LINGO2: variants seen among roughly 807,000 people sequenced by gnomAD.
The protein encoded by LINGO2 is leucine rich repeat and Ig domain containing 2, also known as leucine-rich repeat and immunoglobulin-like domain-containing nogo receptor-interacting protein 2.
In LINGO2, 14 loss-of-function variants were observed where a neutral mutation model predicts 30.6. The observed-to-expected ratio is 0.46, with a 90% CI of 0.30 to 0.72. The LOEUF is 0.72. Ranked by LOEUF, LINGO2 falls within the 30% of genes least tolerant of loss-of-function variation. The probability of loss-of-function intolerance (pLI) is 0.07; values close to 1 mark genes in which losing one functional copy is unlikely to be tolerated. For missense variants in LINGO2, 729 were observed against 751.7 expected (o/e 0.97, Z 0.35); for synonymous variants, 317 against 288.5 (o/e 1.10, Z -1.00).
At chr9:28,780,628 G>C in the LINGO2 span, among the ~76,000 whole-genome samples, 1 of 152,060 alleles carries the variant, frequency 6.6e-6, no homozygotes, top group Non-Finnish European at 1.5e-5. Flanking sequence ...TTTATTACAA[G>C]TTACAGGTGA....
At chr9:28,711,998 C>T in the LINGO2 span, among the ~76,000 whole-genome samples, 1 of 152,034 alleles carries the variant, frequency 6.6e-6, no homozygotes, top group Non-Finnish European at 1.5e-5. Flanking sequence ...TGAAGACAGC[C>T]TTTTCATTGG....
intron 1 of LINGO2, among the ~76,000 whole-genome samples, chr9:28,652,681 A>G (rs1828156868): frequency 6.6e-6 from 1 of 151,666 alleles, no homozygotes; most frequent in African/African-American, 2.4e-5. Context: ...TTTCCTTCTT[A>G]TCTAGTAAGA....
At chr9:28,533,355 TG>T (rs1821308651) in intron 1 of LINGO2, among the ~76,000 whole-genome samples, 1 of 152,130 alleles carries the variant, frequency 6.6e-6, no homozygotes, top group Admixed American at 6.6e-5. Context: ...ACGGGCTTCC[TG>T]ATTCTTCAGC....
At chr9:29,082,355 G>T in the LINGO2 span, among the ~76,000 whole-genome samples, 1 of 152,140 alleles carries the variant, frequency 6.6e-6, no homozygotes, top group South Asian at 2.1e-4. Context: ...AATAAATGGT[G>T]CTGGGAAAAC....
chr9:29,145,018 T>A, the LINGO2 span, among the ~76,000 whole-genome samples: 2 of 152,222 alleles, frequency 1.3e-5, no homozygotes, highest in Non-Finnish European at 2.9e-5. Flanking sequence ...ACAAAAAGTA[T>A]AATATTGGAT....
intron 4 of LINGO2, among the ~76,000 whole-genome samples, chr9:28,023,783 G>C (rs1354082071): frequency 6.6e-6 from 1 of 152,126 alleles, no homozygotes; most frequent in East Asian, 1.9e-4. Flanking sequence ...TTTCTAACAT[G>C]AGAACCTGGT....
At chr9:28,655,831 C>T (rs1051623110) in intron 1 of LINGO2, among the ~76,000 whole-genome samples, 1 of 152,116 alleles carries the variant, frequency 6.6e-6, no homozygotes, top group African/African-American at 2.4e-5. Context: ...CCTCCCCAGA[C>T]ATGCTGAACT....
At chr9:28,675,936 C>T in the LINGO2 span, among the ~76,000 whole-genome samples, 17 of 138,822 alleles carry the variant, frequency 1.2e-4, no homozygotes, top group East Asian at 4.7e-4. Flanking sequence ...CATACACACA[C>T]ACACACACAC....
the LINGO2 span, among the ~76,000 whole-genome samples, chr9:28,940,884 G>C: frequency 6.6e-6 from 1 of 152,058 alleles, no homozygotes; most frequent in African/African-American, 2.4e-5. Context: ...GAGGAGTCTA[G>C]AGAGTTATGC....
At chr9:28,298,459 C>T (rs1337579210) in intron 3 of LINGO2, among the ~76,000 whole-genome samples, 5 of 146,092 alleles carry the variant, frequency 3.4e-5, no homozygotes, top group Non-Finnish European at 7.5e-5. Flanking sequence ...GTCAAGAGAT[C>T]GAAACCATCC....
At chr9:28,641,157 C>T (rs1308362939) in intron 1 of LINGO2, among the ~76,000 whole-genome samples, 4 of 152,038 alleles carry the variant, frequency 2.6e-5, no homozygotes, top group African/African-American at 9.7e-5. Context: ...CCTCAGTCTC[C>T]CGAGTAGCTG....
chr9:28,489,269 A>G (rs914338265), intron 1 of LINGO2, among the ~76,000 whole-genome samples: 1 of 152,118 alleles, frequency 6.6e-6, no homozygotes, highest in Non-Finnish European at 1.5e-5. Flanking sequence ...TCCGGGTTTC[A>G]AGAGATTCTC....
intron 1 of LINGO2, among the ~76,000 whole-genome samples, chr9:28,655,932 A>T (rs994321562): frequency 1.3e-5 from 2 of 152,132 alleles, no homozygotes; most frequent in Admixed American, 1.3e-4. Context: ...ACAGTGAGCC[A>T]AAATGTATCA....
the LINGO2 span, among the ~76,000 whole-genome samples, chr9:28,841,351 C>G: frequency 1.3e-5 from 2 of 151,708 alleles, no homozygotes; most frequent in African/African-American, 4.9e-5. Flanking sequence ...AGTGTGTCAC[C>G]TTAATAGGCC....
chr9:28,709,648 GAAT>G, the LINGO2 span, among the ~76,000 whole-genome samples: 1 of 151,856 alleles, frequency 6.6e-6, no homozygotes. Context: ...CTTGCACAAA[GAAT>G]AATACTTCAT....
At chr9:28,697,768 G>C in the LINGO2 span, among the ~76,000 whole-genome samples, 14 of 151,958 alleles carry the variant, frequency 9.2e-5, no homozygotes, top group Non-Finnish European at 1.9e-4. Flanking sequence ...CAAGTAAACT[G>C]TGAAAGCTAA....
chr9:28,416,824 C>A (rs950786190), intron 2 of LINGO2, among the ~76,000 whole-genome samples: 12 of 152,148 alleles, frequency 7.9e-5, no homozygotes, highest in African/African-American at 2.9e-4. Flanking sequence ...TAAAGCCATA[C>A]AATATAGGAC....
At chr9:28,293,270 T>A (rs1204357740) in intron 4 of LINGO2, among the ~76,000 whole-genome samples, 7 of 152,002 alleles carry the variant, frequency 4.6e-5, no homozygotes, top group Non-Finnish European at 1.0e-4. Flanking sequence ...ACTAATTTTT[T>A]AAAATTTTAT....
At position 28,661,048 on chromosome 9, in the gene LINGO2, A is replaced by G. The variant is rs185050052; in HGVS notation, c.-365+9152T>C. 9.2e-5 allele frequency among the ~76,000 whole-genome samples: 14 copies of G among 152,172 alleles called. No individual in the cohort carries two copies. In the East Asian group the frequency reaches 2.7e-3, roughly 29 times the overall value. Reference sequence around the variant, plus strand: ...TTCTCACCACTGCCTTTATAGTGTGACCTTGCAACTACCTCTATCCAGAGG... The same window carrying G: ...TTCTCACCACTGCCTTTATAGTGTGGCCTTGCAACTACCTCTATCCAGAGG... On this transcript the variant is annotated intron_variant, in intron 1 of 5. Transcript: ENST00000379992.
Sources: allele counts gnomAD v4.1 joint callset (sites outside exome capture counted in the v4.1 genomes callset), GRCh38; gene constraint gnomAD v4.1.1; transcripts MANE v1.5; gene names NCBI Gene and HGNC (gene_info 2026-07-23, HGNC 2026-07-21).